PTPRN2: variants seen among roughly 807,000 people sequenced by gnomAD.
PTPRN2 encodes the protein protein tyrosine phosphatase receptor type N2.
In PTPRN2, 74 loss-of-function variants were observed where a neutral mutation model predicts 118.8. The ratio of observed to expected loss-of-function variants is 0.62; its 90% CI spans 0.52 to 0.76. The LOEUF is 0.76. Ranked by LOEUF, PTPRN2 falls within the 30% of genes least tolerant of loss-of-function variation. The pLI is 0.00. For synonymous variants in PTPRN2, 641 were observed against 608.0 expected (o/e 1.05, Z -0.80); for missense variants, 1,481 against 1,394.4 (o/e 1.06, Z -0.99).
intron 2 of PTPRN2, among the ~76,000 whole-genome samples, chr7:158,354,198 C>G (rs1459187085): frequency 6.6e-6 from 1 of 152,200 alleles, no homozygotes; most frequent in Non-Finnish European, 1.5e-5. Flanking sequence ...AGAAAACACT[C>G]CACAGGTAAA....
chr7:158,340,667 C>A (rs1327529668), intron 2 of PTPRN2, among the ~76,000 whole-genome samples: 1 of 98,790 alleles, frequency 1.0e-5, no homozygotes, highest in Non-Finnish European at 2.2e-5. Flanking sequence ...AGACGTCACT[C>A]ACACCCACAC....
At chr7:158,221,190 T>G (rs1376419240) in intron 3 of PTPRN2, among the ~76,000 whole-genome samples, 1 of 152,114 alleles carries the variant, frequency 6.6e-6, no homozygotes, top group East Asian at 1.9e-4. Flanking sequence ...CTTGACTCCT[T>G]CCTTTTACCA....
At chr7:158,396,326 A>G (rs551431964) in intron 2 of PTPRN2, among the ~76,000 whole-genome samples, 1 of 152,320 alleles carries the variant, frequency 6.6e-6, no homozygotes, top group African/African-American at 2.4e-5. Context: ...TCTATTTCAA[A>G]CCCGCAAAAG....
chr7:158,566,038 T>C (rs1337349538), intron 1 of PTPRN2, among the ~76,000 whole-genome samples: 1 of 152,304 alleles, frequency 6.6e-6, no homozygotes, highest in Middle Eastern at 3.4e-3. Flanking sequence ...AAATTACTCT[T>C]TTTATCCACT....
Position 157,690,088 on chromosome 7 carries a change from G to T in PTPRN2, c.1789-7151C>A, listed in dbSNP as rs1350988361. Among the ~76,000 whole-genome samples the T allele has an allele frequency of 6.6e-6, 1 of 152,206 alleles. No individual in the cohort carries two copies. Among genetic ancestry groups the T allele is most frequent in the Non-Finnish European group, 1.5e-5 (1 of 68,036 alleles). On this transcript the variant is annotated intron_variant, in intron 12 of 22. Coordinates refer to ENST00000389418, the MANE Select transcript of PTPRN2 (RefSeq NM_002847.5). The surrounding 1 kb of genome is among the most constrained non-coding windows in gnomAD (Gnocchi z 7.1). ...AACTGCAGGGAGTGGGGAGCAACGC[G>T]AAAGGCCGAGAGAAGAGCGCTGGGG... is the stretch of plus-strand genomic sequence containing the variant.
chr7:158,096,631 C>T (rs973250823), intron 10 of PTPRN2, among the ~76,000 whole-genome samples: 1 of 152,184 alleles, frequency 6.6e-6, no homozygotes. Flanking sequence ...GTCACTGTCT[C>T]GAGACACTAG....
intron 12 of PTPRN2, among the ~76,000 whole-genome samples, chr7:157,754,202 G>A (rs887417): frequency 0.22 from 33,406 of 152,228 alleles, 5,764 homozygotes; most frequent in African/African-American, 0.48. Context: ...CTGAGTCCTG[G>A]GAGAAGCAAA....
intron 2 of PTPRN2, among the ~76,000 whole-genome samples, chr7:158,322,070 C>G (rs1289165248): frequency 6.6e-6 from 1 of 152,218 alleles, no homozygotes; most frequent in Non-Finnish European, 1.5e-5. Context: ...CTCATCATCT[C>G]TGTCCCCAGC....
rs369875860 is a variant in PTPRN2 at position 158,133,791 on chromosome 7, G to A, written c.1442C>T (p.Ser481Leu). 8.1e-6 allele frequency: 13 copies of A among 1,613,930 alleles called. No individual in the cohort carries two copies. The highest frequency in any genetic ancestry group is 1.7e-5 in the Admixed American group (1 of 60,032). ...GELQNQMPGP[S>L]KEEQSLPAGA... The stretch of plus-strand genomic sequence containing the variant: ...CGCTGGAAGGCTCTGCTCCTCCTTC[G>A]AGGGCCCAGGCATCTGGTTTTGGAG... Residue 481 changes from serine (S) to leucine (L), a missense_variant, in exon 9 of 23, where the codon TCG (serine) becomes TTG (leucine). Ser to Leu is a moderately radical substitution (Grantham distance 145). Coordinates refer to ENST00000389418, the MANE Select transcript of PTPRN2 (RefSeq NM_002847.5).
intron 10 of PTPRN2, among the ~76,000 whole-genome samples, chr7:158,100,522 T>C (rs936732734): frequency 1.5e-4 from 23 of 152,226 alleles, no homozygotes; most frequent in Non-Finnish European, 7.3e-5. Context: ...CCACCAGCAG[T>C]GTAGAAGTGT....
chr7:158,536,911 G>A (rs1410795569), intron 1 of PTPRN2, among the ~76,000 whole-genome samples: 1 of 152,244 alleles, frequency 6.6e-6, no homozygotes, highest in African/African-American at 2.4e-5. Context: ...GGACACGGGT[G>A]GAGACAGACT....
chr7:157,970,902 T>C (rs1361132046), intron 11 of PTPRN2, among the ~76,000 whole-genome samples: 1 of 152,224 alleles, frequency 6.6e-6, no homozygotes, highest in Non-Finnish European at 1.5e-5. Context: ...GGCTTGTCCC[T>C]GCACGCACGA....
intron 6 of PTPRN2, among the ~76,000 whole-genome samples, chr7:158,145,563 G>A (rs1819865190): frequency 6.6e-6 from 1 of 152,352 alleles, no homozygotes; most frequent in East Asian, 1.9e-4. Context: ...GGCAACGTGA[G>A]CAGAAAGGCC....
chr7:158,383,189 C>A (rs183256240), intron 2 of PTPRN2, among the ~76,000 whole-genome samples: 8 of 152,150 alleles, frequency 5.3e-5, no homozygotes, highest in Non-Finnish European at 7.3e-5. Flanking sequence ...ACACCTCATG[C>A]AGAACTCTTA....
At position 158,137,518 on chromosome 7, in the gene PTPRN2, C is replaced by T. The variant is rs117393393; in HGVS notation, c.1132+776G>A. On this transcript the variant is annotated intron_variant, in intron 7 of 22. Transcript: ENST00000389418. Reference sequence around the variant, plus strand: ...CTGAACAGTGCCCCTGGAGACAGCACGCACACCAGGGCCTCCTGCATCCCT... The same window carrying T: ...CTGAACAGTGCCCCTGGAGACAGCATGCACACCAGGGCCTCCTGCATCCCT... Among the ~76,000 whole-genome samples, 1,432 of 152,272 alleles carry T rather than the reference C, an allele frequency of 9.4e-3. 10 individuals are homozygous for T. Among genetic ancestry groups the T allele is most frequent in the Non-Finnish European group, 0.014 (922 of 68,022 alleles).
chr7:158,000,285 C>T (rs541657669), intron 11 of PTPRN2, among the ~76,000 whole-genome samples: 1 of 152,198 alleles, frequency 6.6e-6, no homozygotes, highest in East Asian at 1.9e-4. Context: ...AGGGGAATAA[C>T]CAGAGGATTA....
chr7:158,419,391 CTGCAAGAATTCCATCAT>C (rs1275478301), intron 2 of PTPRN2, among the ~76,000 whole-genome samples: 2 of 43,190 alleles, frequency 4.6e-5, no homozygotes, highest in East Asian at 2.0e-3. Flanking sequence ...AATTCCTTCA[CTGCAAGAATTCCATCAT>C]TGCAAGAATT....
In PTPRN2 at chr7:158,359,517, C is replaced by T. The variant is rs577438763; in HGVS notation, c.164-42585G>A. On this transcript the variant is annotated intron_variant, in intron 2 of 22. Transcript: ENST00000389418. ...AACACGAAGGCCTGCCCAAGGACTC[C>T]TGCGGCCTTCAAAGATTTGCAGCCT... is the stretch of plus-strand genomic sequence containing the variant. Among the ~76,000 whole-genome samples the T allele has an allele frequency of 5.9e-5, 9 of 152,254 alleles. No homozygotes were observed. In the East Asian group the frequency reaches 1.4e-3, roughly 23 times the overall value.
chr7:158,273,768 CAT>C (rs2150974780), intron 3 of PTPRN2, among the ~76,000 whole-genome samples: 3 of 98,840 alleles, frequency 3.0e-5, no homozygotes, highest in African/African-American at 4.1e-5. Flanking sequence ...CACAGACAGA[CAT>C]GGGAGGAGCC....
Sources: allele counts gnomAD v4.1 joint callset (sites outside exome capture counted in the v4.1 genomes callset), GRCh38; gene constraint gnomAD v4.1.1; non-coding constraint Gnocchi (gnomAD v3.1); transcripts MANE v1.5; gene names NCBI Gene and HGNC (gene_info 2026-07-23, HGNC 2026-07-21).